The following OVOL2 variants were observed in gnomAD, a reference collection of about 807,000 sequenced individuals.
OVOL2 encodes transcription factor Ovo-like 2.
Under a neutral mutation model 18.1 loss-of-function variants are expected in OVOL2, and 13 were observed. The ratio of observed to expected loss-of-function variants is 0.72; its 90% confidence interval spans 0.47 to 1.14. OVOL2 has a LOEUF of 1.14. Among genes scored for constraint, OVOL2 ranks in the 50% most tolerant of loss-of-function variants. The pLI is 0.00. For synonymous variants in OVOL2, 166 were observed against 162.7 expected (o/e 1.02, Z -0.16); for missense variants, 335 against 383.0 (o/e 0.87, Z 1.05).
chr20:18,055,757 G>A (rs1373729006), intron 2 of OVOL2, among the ~76,000 whole-genome samples: 1 of 152,218 alleles, frequency 6.6e-6, no homozygotes, highest in Non-Finnish European at 1.5e-5. Context: ...ATTACCACCT[G>A]CACCGGGGGT....
rs576238161 is a variant in OVOL2 at position 18,040,353 on chromosome 20, G to A, written c.511+1181C>T. Among the ~76,000 whole-genome samples, 5 of 152,246 alleles carry A rather than the reference G, an allele frequency of 3.3e-5. No homozygotes were observed. The South Asian group carries it at 1.0e-3, about 32-fold the overall frequency. On this transcript the variant is annotated intron_variant, in intron 3 of 3. Coordinates refer to ENST00000278780, the MANE Select transcript of OVOL2 (RefSeq NM_021220.4). Reference sequence around the variant, plus strand: ...AGTGAGATGGGCTGATCTGAGGTGGGCTGTGATAGGATGTGATGGGATAGG... The same window carrying A: ...AGTGAGATGGGCTGATCTGAGGTGGACTGTGATAGGATGTGATGGGATAGG...
In OVOL2 at chr20:18,035,385, A is replaced by G. The variant is rs1266044554; in HGVS notation, c.511+6149T>C. Among the ~76,000 whole-genome samples, 4 of 152,216 alleles carry G rather than the reference A, an allele frequency of 2.6e-5. No homozygotes were observed. In the East Asian group the frequency reaches 7.7e-4, roughly 29 times the overall value. On this transcript the variant is annotated intron_variant, in intron 3 of 3. Coordinates refer to ENST00000278780, the MANE Select transcript of OVOL2 (RefSeq NM_021220.4). Reference sequence around the variant, plus strand: ...GGCAAGAGAATCGCTGGAACCCAGGAGGCAGAGGCTGCAGTGAGCCAAGAC... The same window carrying G: ...GGCAAGAGAATCGCTGGAACCCAGGGGGCAGAGGCTGCAGTGAGCCAAGAC...
At chr20:18,034,976 G>C (rs2036602927) in intron 3 of OVOL2, among the ~76,000 whole-genome samples, 1 of 152,054 alleles carries the variant, frequency 6.6e-6, no homozygotes. Context: ...CCTCGGCCCT[G>C]GGTCCTGGGT....
chr20:18,034,626 T>TTCTCTCTCTCTCTCTCTC lies in OVOL2; in HGVS notation c.511+6890_511+6907dup, dbSNP rs11466923. The stretch of plus-strand genomic sequence containing the variant: ...TTTAACTAACACTCCCTTCCCCTCT[T>TTCTCTCTCTCTCTCTCTC]TCTCTCTCTCTCTCTCTCTCTCTCT... On this transcript the variant is annotated intron_variant, in intron 3 of 3. Coordinates refer to ENST00000278780, the MANE Select transcript of OVOL2 (RefSeq NM_021220.4). Among the ~76,000 whole-genome samples, 172 of 138,034 alleles carry TTCTCTCTCTCTCTCTCTC rather than the reference T, an allele frequency of 1.2e-3. 1 individual carries two copies. Among genetic ancestry groups the TTCTCTCTCTCTCTCTCTC allele is most frequent in the African/African-American group, 4.8e-3 (166 of 34,872 alleles). The allele number at this position is 138,034 out of a possible 152,430, so 90.6% of individuals were successfully genotyped here.
rs180975816 is a variant in OVOL2 at position 18,030,281 on chromosome 20, C to T, written c.512-5329G>A. Among the ~76,000 whole-genome samples, 152 of 152,338 alleles carry T rather than the reference C, an allele frequency of 1.0e-3. 1 individual carries two copies. The highest frequency in any genetic ancestry group is 3.5e-3 in the African/African-American group (146 of 41,588). The stretch of plus-strand genomic sequence containing the variant: ...TACCCAGTAGATCAAGCGGCAAACC[C>T]GATTTCCAACCTTCAGCTCATCAGA... On this transcript the variant is annotated intron_variant, in intron 3 of 3. Coordinates refer to ENST00000278780, the MANE Select transcript of OVOL2 (RefSeq NM_021220.4).
chr20:18,046,844 A>C (rs919904886), intron 2 of OVOL2, among the ~76,000 whole-genome samples: 1 of 152,088 alleles, frequency 6.6e-6, no homozygotes, highest in African/African-American at 2.4e-5. Flanking sequence ...AATCGATCTT[A>C]CCTTGTTCCT....
chr20:18,051,926 G>A (rs746616998), intron 2 of OVOL2, among the ~76,000 whole-genome samples: 1 of 151,984 alleles, frequency 6.6e-6, no homozygotes, highest in Non-Finnish European at 1.5e-5. Context: ...TTTTAATAGA[G>A]TCGGGGTTTC....
chr20:18,042,152 A>G (rs2036677658), intron 2 of OVOL2, among the ~76,000 whole-genome samples: 1 of 151,986 alleles, frequency 6.6e-6, no homozygotes, highest in Admixed American at 6.6e-5. Context: ...ACCTCAAGTG[A>G]TCCATCCGCC....
At chr20:18,042,607 T>A (rs1001921246) in intron 2 of OVOL2, among the ~76,000 whole-genome samples, 6 of 151,716 alleles carry the variant, frequency 4.0e-5, no homozygotes, top group Admixed American at 3.9e-4. Context: ...AGAAATCCCA[T>A]CTCTACTAAA....
rs140173851 is a variant in OVOL2 at position 18,024,929 on chromosome 20, C to T, written c.535G>A (p.Val179Ile). The part of the protein sequence containing the change: ...HTGIRPYKCN[V>I]CNKAFTQRCS... ...CGCTGGGTGAAGGCTTTATTGCAGA[C>T]GTTGCATTTGTAGGGACGAATGCCT... Residue 179 changes from valine (V) to isoleucine (I), a missense_variant, in exon 4 of 4, where the codon GTC (valine) becomes ATC (isoleucine). Physicochemically the swap from Val to Ile is conservative, Grantham distance 29. Transcript: ENST00000278780. 99 of 1,612,456 alleles carry T rather than the reference C, an allele frequency of 6.1e-5. No homozygotes were observed. The highest frequency in any genetic ancestry group is 5.5e-4 in the African/African-American group (41 of 74,992).
chr20:18,051,205 G>A (rs2036768708), intron 2 of OVOL2, among the ~76,000 whole-genome samples: 1 of 151,894 alleles, frequency 6.6e-6, no homozygotes, highest in Admixed American at 6.6e-5. Context: ...GTGAGGCCCT[G>A]TCTCAAAAGG....
At position 18,024,676 on chromosome 20, in the gene OVOL2, T is replaced by G; in HGVS notation, c.788A>C (p.Gln263Pro). Residue 263 changes from glutamine (Q) to proline (P), a missense_variant, in exon 4 of 4, where the codon CAG (glutamine) becomes CCG (proline). Transcript: ENST00000278780. ...LLQGKLTSAHQENTSLSEEEE... is the reference protein window; with the variant it reads ...LLQGKLTSAHPENTSLSEEEE... The stretch of plus-strand genomic sequence containing the variant: ...CTCCTCACTCAGGCTGGTATTCTCC[T>G]GGTGTGCGGATGTCAGCTTGCCCTG... The G allele has an allele frequency of 6.2e-7, 1 of 1,613,830 alleles. No homozygotes were observed. Among genetic ancestry groups the G allele is most frequent in the Non-Finnish European group, 8.5e-7 (1 of 1,179,854 alleles).
intron 2 of OVOL2, among the ~76,000 whole-genome samples, chr20:18,048,219 G>A (rs188199326): frequency 2.2e-4 from 34 of 152,164 alleles, no homozygotes; most frequent in Admixed American, 1.8e-3. Flanking sequence ...CCCGGGAGGC[G>A]GAGTTTGCAG....
In OVOL2 at chr20:18,024,220, T is replaced by C. The variant is rs2122681181; in HGVS notation, c.*416A>G. ...ATTTATTAAAATAGTTTCTGTAAAC[T>C]CTTTCAGAATAACAAAATTCACTTG... On this transcript the variant is annotated 3_prime_UTR_variant, in exon 4 of 4. Transcript: ENST00000278780. 1 of 165,834 alleles carries C rather than the reference T, an allele frequency of 6.0e-6. No individual in the cohort carries two copies. The highest frequency in any genetic ancestry group is 2.4e-5 in the African/African-American group (1 of 41,902). The allele number at this position is 165,834 out of a possible 1,614,324, so 10.3% of individuals were successfully genotyped here. A position where few individuals can be genotyped will look rare whatever the true frequency, so the allele number is the denominator to read the frequency against.
intron 2 of OVOL2, among the ~76,000 whole-genome samples, chr20:18,049,557 C>CCG (rs1555796100): frequency 2.2e-4 from 33 of 150,708 alleles, no homozygotes; most frequent in Admixed American, 1.7e-3. Flanking sequence ...AGATTCCCCC[C>CCG]CCGATCCTAT....
chr20:18,052,890 G>A lies in OVOL2; in HGVS notation c.321+3767C>T, dbSNP rs553643762. On this transcript the variant is annotated intron_variant, in intron 2 of 3. Transcript: ENST00000278780. ...TCTAATAAGCCTCCAAAGGACAATG[G>A]TGATTAGTATTTCCTGGGTTTCTCT... is the stretch of plus-strand genomic sequence containing the variant. Among the ~76,000 whole-genome samples the A allele has an allele frequency of 6.9e-4, 105 of 152,286 alleles. 2 individuals are homozygous for A. The South Asian group carries it at 0.018, about 26-fold the overall frequency.
rs1470056682 is a variant in OVOL2, at chr20:18,053,406, G to A, written c.321+3251C>T. 3.3e-5 allele frequency among the ~76,000 whole-genome samples: 5 copies of A among 152,116 alleles called. No individual in the cohort carries two copies. The East Asian group carries it at 9.6e-4, about 29-fold the overall frequency. On this transcript the variant is annotated intron_variant, in intron 2 of 3. Transcript: ENST00000278780. ...AATGATCCATGAACACAGCCGTTAA[G>A]AGGGACCCAAATGGCAGGGCGCGGT... is the stretch of plus-strand genomic sequence containing the variant.
chr20:18,029,137 C>T (rs2036545102), intron 3 of OVOL2, among the ~76,000 whole-genome samples: 1 of 152,096 alleles, frequency 6.6e-6, no homozygotes, highest in Non-Finnish European at 1.5e-5. Context: ...AGCGAGTATC[C>T]TGCCTCAGCC....
chr20:18,027,500 C>A (rs1398149617), intron 3 of OVOL2, among the ~76,000 whole-genome samples: 1 of 147,850 alleles, frequency 6.8e-6, no homozygotes, highest in Non-Finnish European at 1.5e-5. Context: ...TGCACTCTAG[C>A]CTGCGCAACA....
Sources: allele counts gnomAD v4.1 joint callset (sites outside exome capture counted in the v4.1 genomes callset), GRCh38; gene constraint gnomAD v4.1.1; transcripts MANE v1.5; gene names NCBI Gene and HGNC (gene_info 2026-07-23, HGNC 2026-07-21).